Variants in SFR1 observed in about 807,000 individuals in gnomAD.
The protein encoded by SFR1 is swi5-dependent recombination DNA repair protein 1 homolog.
SFR1 carries 24 observed loss-of-function variants against 26.2 expected under a neutral mutation model. The observed-to-expected ratio is 0.92, with a 90% CI of 0.66 to 1.29. The LOEUF (loss-of-function observed/expected upper bound fraction) is 1.29. Ranked by LOEUF, SFR1 falls within the 50% of genes most tolerant of loss-of-function variation. SFR1 has a pLI of 0.00. For synonymous variants in SFR1, 77 were observed against 96.6 expected (o/e 0.80, Z 1.19); for missense variants, 276 against 270.2 (o/e 1.02, Z -0.15).
intron 2 of SFR1, 50 bp from the exon 3 acceptor site, chr10:104,123,664 T>C: frequency 7.0e-7 from 1 of 1,420,162 alleles, no homozygotes; most frequent in Non-Finnish European, 9.5e-7. Flanking sequence ...TTATTGACAT[T>C]AAGAATGTTT....
chr10:104,122,892 ATATAT>A, intron 1 of SFR1, 68 bp from the exon 2 acceptor site: 1 of 1,586,016 alleles, frequency 6.3e-7, no homozygotes. Flanking sequence ...CACCAATACA[ATATAT>A]TATTTGATAA....
intron 3 of SFR1, among the ~76,000 whole-genome samples, chr10:104,125,045 C>T (rs2087010544): frequency 6.6e-6 from 1 of 152,170 alleles, no homozygotes; most frequent in African/African-American, 2.4e-5. Flanking sequence ...TCAAGCAGTC[C>T]TCCCACCTTG....
upstream of SFR1, chr10:104,122,162 C>CCGCAG: frequency 6.5e-7 from 1 of 1,548,554 alleles, no homozygotes; most frequent in Non-Finnish European, 8.7e-7. Context: ...CAGGTGCGCG[C>CCGCAG]GCTTTTTTGC....
chr10:104,125,468 T>A (rs2087015064), intron 3 of SFR1, 45 bp from the exon 4 acceptor site: 1 of 1,482,248 alleles, frequency 6.7e-7, no homozygotes, highest in Non-Finnish European at 9.3e-7. Context: ...TAAGTTGAAC[T>A]AGCATGACTA....
At chr10:104,121,719 C>T (rs1472674251), upstream of SFR1, among the ~76,000 whole-genome samples, 1 of 152,180 alleles carries the variant, frequency 6.6e-6, no homozygotes. Context: ...TGGGGAGAGG[C>T]ACTTTCAGGC....
upstream of SFR1, chr10:104,122,090 A>C: frequency 6.9e-7 from 1 of 1,442,580 alleles, no homozygotes; most frequent in Non-Finnish European, 9.5e-7. Context: ...AATCTGGCCA[A>C]TTGCGCATCT....
At chr10:104,121,776 T>C (rs1160968771), upstream of SFR1, among the ~76,000 whole-genome samples, 1 of 151,848 alleles carries the variant, frequency 6.6e-6, no homozygotes, top group African/African-American at 2.4e-5. Flanking sequence ...GGGAAGGCGG[T>C]TGAAAATAAG....
chr10:104,125,523 C>G lies in SFR1; in HGVS notation c.557C>G (p.Ser186Cys), dbSNP rs759650077. The change falls in exon 4 of 4, where the codon TCT becomes TGT. Residue 186 changes from serine to cysteine, a missense_variant. Physicochemically the swap from Ser to Cys is moderately radical, Grantham distance 112. Coordinates refer to ENST00000369727, the MANE Select transcript of SFR1 (RefSeq NM_001002759.2). ...VKMYRSKNDL[S>C]QLQLLIKKWR... ...TTTTTTCTGTTTCAGAATGATCTGT[C>G]TCAGTTACAGTTGTTAATAAAGAAG... is the stretch of plus-strand genomic sequence containing the variant. 1.2e-6 allele frequency: 2 copies of G among 1,609,424 alleles called. No homozygotes were observed. The highest frequency in any genetic ancestry group is 4.5e-5 in the East Asian group (2 of 44,850).
upstream of SFR1, among the ~76,000 whole-genome samples, chr10:104,120,838 A>C (rs1204779297): frequency 9.2e-5 from 14 of 152,176 alleles, no homozygotes; most frequent in Admixed American, 9.2e-4. Context: ...AGGTTCTGTA[A>C]TTATTATACC....
rs1485694986 is a variant in SFR1 at position 104,126,203 on chromosome 10, A to G, written c.*499A>G. The stretch of plus-strand genomic sequence containing the variant: ...CAGTTCTGGAAACTAGTTTTAATAC[A>G]TTTGTTTTTTATGACAAAAAGTTTT... On this transcript the variant is annotated 3_prime_UTR_variant, in exon 4 of 4. Coordinates refer to ENST00000369727, the MANE Select transcript of SFR1 (RefSeq NM_001002759.2). 1.3e-5 allele frequency: 2 copies of G among 152,680 alleles called. No individual in the cohort carries two copies. The highest frequency in any genetic ancestry group is 4.8e-5 in the African/African-American group (2 of 41,476). The allele number at this position is 152,680 out of a possible 1,614,324, so 9.5% of individuals were successfully genotyped here.
At chr10:104,121,517 G>A (rs566815505), upstream of SFR1, among the ~76,000 whole-genome samples, 22 of 152,290 alleles carry the variant, frequency 1.4e-4, no homozygotes, top group Admixed American at 1.0e-3. Context: ...CACCACGCTG[G>A]AATAGGCTGG....
chr10:104,121,468 C>A (rs1228141035), upstream of SFR1, among the ~76,000 whole-genome samples: 1 of 152,178 alleles, frequency 6.6e-6, no homozygotes, highest in East Asian at 1.9e-4. Context: ...TGGACCCCAA[C>A]GCTGGAACCC....
upstream of SFR1, among the ~76,000 whole-genome samples, chr10:104,121,751 A>T (rs887528288): frequency 1.3e-5 from 2 of 152,194 alleles, no homozygotes; most frequent in African/African-American, 2.4e-5. Context: ...ACGCACAAAA[A>T]CAAGGAAGCC....
chr10:104,122,490 T>G, intron 1 of SFR1: 1 of 985,406 alleles, frequency 1.0e-6, no homozygotes, highest in Non-Finnish European at 1.2e-6. Context: ...CTTAAATGCG[T>G]CTCCGCTGTG....
chr10:104,122,695 A>G (rs2086978379), intron 1 of SFR1: 2 of 1,372,990 alleles, frequency 1.5e-6, no homozygotes, highest in Non-Finnish European at 1.9e-6. Flanking sequence ...CAGAATTTGA[A>G]TATATTTTGG....
chr10:104,122,084 T>G, upstream of SFR1: 1 of 1,395,320 alleles, frequency 7.2e-7, no homozygotes, highest in East Asian at 2.6e-5. Flanking sequence ...TCAGGCAATC[T>G]GGCCAATTGC....
chr10:104,122,329 T>C, intron 1 of SFR1, 133 bp downstream of exon 1: 2 of 1,395,230 alleles, frequency 1.4e-6, no homozygotes, highest in Non-Finnish European at 1.9e-6. Context: ...TCCGGGGAAC[T>C]AGTGGGCTTT....
upstream of SFR1, among the ~76,000 whole-genome samples, chr10:104,121,431 GGA>G (rs2086959679): frequency 1.3e-5 from 2 of 152,162 alleles, no homozygotes; most frequent in Admixed American, 1.3e-4. Context: ...CGGGACTCTC[GGA>G]TAGATTTCTA....
At chr10:104,121,011 A>ATCT (rs1186421508), upstream of SFR1, among the ~76,000 whole-genome samples, 1 of 152,124 alleles carries the variant, frequency 6.6e-6, no homozygotes, top group African/African-American at 2.4e-5. Flanking sequence ...GTGACTCAGA[A>ATCT]GTTACTCAAC....
Sources: gnomAD v4.1 joint callset for allele counts (sites outside exome capture counted in the v4.1 genomes callset) on GRCh38, gnomAD v4.1.1 for gene constraint, MANE v1.5 for transcripts, NCBI Gene and HGNC (gene_info 2026-07-23, HGNC 2026-07-21) for gene names.